Variants in CRPPA observed in about 807,000 individuals in gnomAD.
CRPPA encodes D-ribitol-5-phosphate cytidylyltransferase.
In CRPPA, 43 loss-of-function variants were observed where a neutral mutation model predicts 52.0. The ratio of observed to expected loss-of-function variants is 0.83; its 90% CI spans 0.65 to 1.07. The LOEUF is 1.07. Ranked by LOEUF, CRPPA falls within the 50% of genes least tolerant of loss-of-function variation. The probability of loss-of-function intolerance (pLI) is 0.00; values close to 1 mark genes in which losing one functional copy is unlikely to be tolerated. For missense variants in CRPPA, 629 were observed against 551.7 expected (o/e 1.14, Z -1.40); for synonymous variants, 250 against 203.5 (o/e 1.23, Z -1.94).
At chr7:16,420,729 C>T (rs1478457695) in intron 1 of CRPPA, among the ~76,000 whole-genome samples, 1 of 152,176 alleles carries the variant, frequency 6.6e-6, no homozygotes, top group African/African-American at 2.4e-5. Context: ...CGAGACTATC[C>T]GCACAGCTTC....
chr7:16,372,014 A>C (rs966142032), intron 3 of CRPPA, among the ~76,000 whole-genome samples: 1 of 152,136 alleles, frequency 6.6e-6, no homozygotes, highest in East Asian at 1.9e-4. Flanking sequence ...ACGAAGTAAA[A>C]AAAAAATTTT....
At chr7:16,397,325 A>G (rs1178198936) in intron 2 of CRPPA, among the ~76,000 whole-genome samples, 1 of 152,246 alleles carries the variant, frequency 6.6e-6, no homozygotes, top group African/African-American at 2.4e-5. Context: ...CGTGATGGAC[A>G]CGTGTGACAT....
chr7:16,136,224 T>C (rs1452372643), intron 9 of CRPPA, among the ~76,000 whole-genome samples: 2 of 152,180 alleles, frequency 1.3e-5, no homozygotes, highest in African/African-American at 4.8e-5. Flanking sequence ...TTACTACAAA[T>C]TGGAAATTGA....
intron 6 of CRPPA, among the ~76,000 whole-genome samples, chr7:16,271,173 C>T (rs1784081464): frequency 6.6e-6 from 1 of 152,122 alleles, no homozygotes; most frequent in Non-Finnish European, 1.5e-5. Context: ...ACATGAAAAG[C>T]CCCTACAGTC....
At chr7:16,210,049 A>C (rs180844860) in intron 9 of CRPPA, among the ~76,000 whole-genome samples, 1 of 152,332 alleles carries the variant, frequency 6.6e-6, no homozygotes, top group African/African-American at 2.4e-5. Flanking sequence ...TTTAAAAACA[A>C]TTTTACAGAT....
At chr7:16,131,208 G>T (rs531442813) in intron 9 of CRPPA, among the ~76,000 whole-genome samples, 1 of 152,158 alleles carries the variant, frequency 6.6e-6, no homozygotes, top group South Asian at 2.1e-4. Context: ...CTGGATAATG[G>T]GTAGAGACTG....
Position 16,305,297 on chromosome 7 carries a change from T to C in CRPPA, c.789+3226A>G, listed in dbSNP as rs541110939. On this transcript the variant is annotated intron_variant, in intron 4 of 9. Transcript: ENST00000407010. Reference sequence around the variant, plus strand: ...TCACCTCAGTTAACAGGGAAAAAAATGTGATACCAAAAAACAAACAAACAA... The same window carrying C: ...TCACCTCAGTTAACAGGGAAAAAAACGTGATACCAAAAAACAAACAAACAA... Among the ~76,000 whole-genome samples, 11 of 152,084 alleles carry C rather than the reference T, an allele frequency of 7.2e-5. No homozygotes were observed. In the South Asian group the frequency reaches 1.9e-3, roughly 26 times the overall value.
At chr7:16,156,541 G>A (rs1451903841) in intron 9 of CRPPA, among the ~76,000 whole-genome samples, 1 of 152,142 alleles carries the variant, frequency 6.6e-6, no homozygotes, top group East Asian at 1.9e-4. Context: ...ACAGGGACCA[G>A]ATGCTGGAAT....
At chr7:16,283,546 CTATAT>C (rs1562606658) in intron 5 of CRPPA, among the ~76,000 whole-genome samples, 1 of 149,906 alleles carries the variant, frequency 6.7e-6, no homozygotes, top group Non-Finnish European at 1.5e-5. Flanking sequence ...TATAGATATA[CTATAT>C]ATGTGTGTGT....
In CRPPA at chr7:16,334,303, A is replaced by C. The variant is rs527758579; in HGVS notation, c.685-25676T>G. On this transcript the variant is annotated intron_variant, in intron 3 of 9. Transcript: ENST00000407010. ...CACTTGGGCCCACCTAATCCTAGTA[A>C]TAGAGAAGTAATCAAACTAAGCCCT... is the stretch of plus-strand genomic sequence containing the variant. Among the ~76,000 whole-genome samples the C allele has an allele frequency of 4.6e-5, 7 of 152,298 alleles. No individual in the cohort carries two copies. The South Asian group carries it at 1.0e-3, about 23-fold the overall frequency.
intron 9 of CRPPA, among the ~76,000 whole-genome samples, chr7:16,096,370 A>C (rs939966746): frequency 3.3e-5 from 5 of 152,162 alleles, no homozygotes; most frequent in Admixed American, 6.6e-5. Context: ...GGATTTCAAA[A>C]TAACTATGCC....
At chr7:16,336,136 G>T (rs945484337) in intron 3 of CRPPA, among the ~76,000 whole-genome samples, 1 of 152,094 alleles carries the variant, frequency 6.6e-6, no homozygotes, top group Non-Finnish European at 1.5e-5. Context: ...GTTGGAAAAA[G>T]GCTATGAATT....
intron 8 of CRPPA, among the ~76,000 whole-genome samples, chr7:16,244,841 C>T (rs1783225451): frequency 6.6e-6 from 1 of 152,096 alleles, no homozygotes; most frequent in South Asian, 2.1e-4. Context: ...ACAAAATGGC[C>T]TTTAAACATT....
At chr7:16,183,745 G>T (rs1240371002) in intron 9 of CRPPA, among the ~76,000 whole-genome samples, 1 of 151,962 alleles carries the variant, frequency 6.6e-6, no homozygotes, top group Non-Finnish European at 1.5e-5. Context: ...ATACAATTCT[G>T]CCCCGTTGAT....
chr7:16,260,989 G>GGAAA (rs987452672), intron 6 of CRPPA, among the ~76,000 whole-genome samples: 1 of 151,702 alleles, frequency 6.6e-6, no homozygotes, highest in African/African-American at 2.4e-5. Flanking sequence ...GAACAATGTG[G>GGAAA]GAAAGTTCTT....
chr7:16,412,039 A>G (rs559224781), intron 1 of CRPPA, among the ~76,000 whole-genome samples: 2 of 152,348 alleles, frequency 1.3e-5, no homozygotes, highest in Admixed American at 1.3e-4. Context: ...TATTCAATGA[A>G]TTAACTCCCA....
At chr7:16,152,597 G>A (rs568309988) in intron 9 of CRPPA, among the ~76,000 whole-genome samples, 1 of 152,062 alleles carries the variant, frequency 6.6e-6, no homozygotes, top group South Asian at 2.1e-4. Flanking sequence ...TTGTGAAACT[G>A]AGGTTAAAAC....
chr7:16,404,552 A>C (rs946294509), intron 2 of CRPPA, among the ~76,000 whole-genome samples: 11 of 152,134 alleles, frequency 7.2e-5, no homozygotes, highest in Non-Finnish European at 1.6e-4. Context: ...ACAACAACAA[A>C]AAAAATTGCA....
At chr7:16,100,118 G>T (rs1024202195) in intron 9 of CRPPA, among the ~76,000 whole-genome samples, 3 of 152,074 alleles carry the variant, frequency 2.0e-5, no homozygotes, top group Non-Finnish European at 2.9e-5. Flanking sequence ...CCTTCTAACT[G>T]CAATTCTCTT....
Sources: gnomAD v4.1 joint callset for allele counts (sites outside exome capture counted in the v4.1 genomes callset) on GRCh38, gnomAD v4.1.1 for gene constraint, MANE v1.5 for transcripts, NCBI Gene and HGNC (gene_info 2026-07-23, HGNC 2026-07-21) for gene names.